RAP2C: variants seen among roughly 807,000 people sequenced by gnomAD.
RAP2C encodes ras-related protein Rap-2c.
Under a neutral mutation model 8.9 loss-of-function variants are expected in RAP2C, and 3 were observed. That is an observed-to-expected ratio of 0.34 (90% CI 0.15 to 0.87). RAP2C has a LOEUF of 0.87. RAP2C is among the 40% of genes least tolerant of loss of function. The pLI is 0.51. For synonymous variants in RAP2C, 60 were observed against 52.1 expected, an observed-to-expected ratio of 1.15 and a Z score of -0.65; for missense variants, 76 against 133.7, an observed-to-expected ratio of 0.57 and a Z score of 2.13.
intron 4 of RAP2C, among the ~76,000 whole-genome samples, chrX:132,215,960 T>C (rs934069267): frequency 1.1e-4 from 12 of 112,005 alleles, no homozygotes; most frequent in South Asian, 3.7e-4. Context: ...TAATTTAAAA[T>C]ACTAAAGAAA....
rs1474663679 is a variant in RAP2C, at chrX:132,217,790, C to A, written c.-522G>T. ...GGGCGGGTTTCTGGGCCCCGGCTCC[C>A]GCGGGGGTCGTCCGGCCTGTGAAGG... On this transcript the variant is annotated 5_prime_UTR_variant, in exon 4 of 6. Transcript: ENST00000370874. The A allele has an allele frequency of 1.8e-5, 2 of 113,278 alleles. No individual in the cohort carries two copies. The highest frequency in any genetic ancestry group is 6.4e-5 in the African/African-American group (2 of 31,166). The allele number at this position is 113,278 out of a possible 1,213,427, so 9.3% of individuals were successfully genotyped here.
chrX:132,217,684 A>C lies in RAP2C; in HGVS notation c.-416T>G. On this transcript the variant is annotated 5_prime_UTR_variant, in exon 4 of 6. Coordinates refer to ENST00000370874, the MANE Select transcript of RAP2C (RefSeq NM_001271186.2). ...GCACTCCTCCCCCGCCCTTCACACA[A>C]AGGGGCCCAGGGACCCCGCTTCCTG... 1.7e-5 allele frequency: 2 copies of C among 119,674 alleles called. No homozygotes were observed. Among genetic ancestry groups the C allele is most frequent in the Admixed American group, 9.0e-5 (1 of 11,117 alleles). 9.9% of individuals were successfully genotyped at this position (119,674 alleles called of 1,213,427 possible).
At position 132,203,737 on chromosome X, in the gene RAP2C, T is replaced by TA. The variant is rs1238343543; in HGVS notation, c.*1884dup. The TA allele has an allele frequency of 8.9e-6, 1 of 112,283 alleles. No individual in the cohort carries two copies. Among genetic ancestry groups the TA allele is most frequent in the Non-Finnish European group, 1.9e-5 (1 of 53,149 alleles). 9.3% of individuals were successfully genotyped at this position (112,283 alleles called of 1,213,427 possible). The stretch of plus-strand genomic sequence containing the variant: ...AATGAGTGTTTGGTTTTAAGTTTGG[T>TA]ATTAAAGTGCAAACTTAAATTAAGT... On this transcript the variant is annotated 3_prime_UTR_variant, in exon 6 of 6. Coordinates refer to ENST00000370874, the MANE Select transcript of RAP2C (RefSeq NM_001271186.2).
At chrX:132,211,231 G>C (rs779956337) in intron 5 of RAP2C, among the ~76,000 whole-genome samples, 27 of 111,206 alleles carry the variant, frequency 2.4e-4, no homozygotes, top group Non-Finnish European at 4.5e-4. Flanking sequence ...TGTTCCAGTT[G>C]GTTGTGGTCT....
Position 132,205,450 on chromosome X carries a change from A to C in RAP2C, c.*172T>G, listed in dbSNP as rs1930247119. 8.9e-6 allele frequency: 1 copy of C among 111,983 alleles called. No individual in the cohort carries two copies. The highest frequency in any genetic ancestry group is 3.7e-4 in the South Asian group (1 of 2,703). 9.2% of individuals were successfully genotyped at this position (111,983 alleles called of 1,213,427 possible). A position where few individuals can be genotyped will look rare whatever the true frequency, so the allele number is the denominator to read the frequency against. ...CCTGTTTAAGGTCGATGGATCTTGA[A>C]GGCCAAAGACCTTATGCACTTAAAT... On this transcript the variant is annotated 3_prime_UTR_variant, in exon 6 of 6. Transcript: ENST00000370874.
In RAP2C at chrX:132,214,359, C is replaced by T; in HGVS notation, c.361G>A (p.Glu121Lys). 1.7e-6 allele frequency: 2 copies of T among 1,211,771 alleles called. No homozygotes were observed. Among genetic ancestry groups the T allele is most frequent in the Non-Finnish European group, 2.2e-6 (2 of 895,292 alleles). ...GAAGACATAACCTCTCTTTCTGGTT[C>T]CAGATCCACTTTATTTCCTACTAGG... ...LILVGNKVDL[E>K]PEREVMSSEG... is the part of the protein sequence containing the mutation. The change falls in exon 5 of 6, where the codon GAA becomes AAA. Residue 121 changes from glutamate (E) to lysine (K), a missense_variant. Transcript: ENST00000370874.
intron 4 of RAP2C, 103 bp downstream of exon 4, chrX:132,216,893 C>T: frequency 2.4e-6 from 2 of 849,487 alleles, no homozygotes; most frequent in Non-Finnish European, 3.1e-6. Context: ...GTCTAACTTT[C>T]AAAAGCAAAG....
intron 5 of RAP2C, among the ~76,000 whole-genome samples, chrX:132,207,099 G>A (rs1406111282): frequency 1.8e-5 from 2 of 111,029 alleles, no homozygotes; most frequent in Non-Finnish European, 3.8e-5. Context: ...GAACACAACA[G>A]TATTTCATTA....
chrX:132,216,732 C>A (rs1367020903), intron 4 of RAP2C, among the ~76,000 whole-genome samples: 1 of 112,145 alleles, frequency 8.9e-6, no homozygotes, highest in Non-Finnish European at 1.9e-5. Flanking sequence ...ATATTCCAGG[C>A]GAAATATACA....
intron 5 of RAP2C, among the ~76,000 whole-genome samples, chrX:132,210,586 T>C (rs919425487): frequency 2.7e-5 from 3 of 111,705 alleles, no homozygotes; most frequent in African/African-American, 6.5e-5. Context: ...GTCCTTTCAG[T>C]TTGCTTCCCT....
intron 5 of RAP2C, among the ~76,000 whole-genome samples, chrX:132,208,296 T>C (rs1320211799): frequency 2.7e-5 from 3 of 111,615 alleles, no homozygotes; most frequent in Non-Finnish European, 5.7e-5. Flanking sequence ...CTTATCTAAA[T>C]ACAATGGTAT....
chrX:132,210,583 C>G lies in RAP2C; in HGVS notation c.*34+3551G>C, dbSNP rs1930401329. ...ACATAAATAATGATCTTTGTCCTTT[C>G]AGTTTGCTTCCCTGTGTTTGGTACT... is the stretch of plus-strand genomic sequence containing the variant. On this transcript the variant is annotated intron_variant, in intron 5 of 5. Coordinates refer to ENST00000370874, the MANE Select transcript of RAP2C (RefSeq NM_001271186.2). Among the ~76,000 whole-genome samples, 3 of 111,661 alleles carry G rather than the reference C, an allele frequency of 2.7e-5. No homozygotes were observed. In the Admixed American group the frequency reaches 2.8e-4, roughly 11 times the overall value.
At position 132,218,349 on chromosome X, in the gene RAP2C, G is replaced by C. The variant is rs990794544; in HGVS notation, c.-745-8C>G. On this transcript the variant is annotated splice_polypyrimidine_tract_variant and splice_region_variant and intron_variant, in intron 1 of 5. Transcript: ENST00000370874. ...GAACGGGCCTCTGGAAACCTGCGACGTCAGTCCTTACCCGCCCGCGGCTGC... is the reference window on the plus strand; with the variant it reads ...GAACGGGCCTCTGGAAACCTGCGACCTCAGTCCTTACCCGCCCGCGGCTGC... 1.9e-5 allele frequency: 2 copies of C among 107,931 alleles called. No individual in the cohort carries two copies. The highest frequency in any genetic ancestry group is 3.9e-5 in the Non-Finnish European group (2 of 51,940). 8.9% of individuals were successfully genotyped at this position (107,931 alleles called of 1,213,427 possible).
chrX:132,208,004 C>CA (rs58571332), intron 5 of RAP2C, among the ~76,000 whole-genome samples: 72 of 103,031 alleles, frequency 7.0e-4, no homozygotes, highest in Non-Finnish European at 1.1e-3. Flanking sequence ...TAGGAAAGTA[C>CA]AAAAAAAAAA....
At chrX:132,208,791 G>C (rs1291709517) in intron 5 of RAP2C, among the ~76,000 whole-genome samples, 1 of 110,294 alleles carries the variant, frequency 9.1e-6, no homozygotes, top group Non-Finnish European at 1.9e-5. Context: ...CTCTTGAACC[G>C]CTAGTACTAC....
chrX:132,209,839 TAACTAGGCACCTGTCCACTCTCA>T (rs1930379210), intron 5 of RAP2C, among the ~76,000 whole-genome samples: 1 of 112,029 alleles, frequency 8.9e-6, no homozygotes, highest in South Asian at 3.7e-4. Flanking sequence ...AGAGCAGGTC[TAACTAGGCACCTGTCCACTCTCA>T]AGTCTCAAAC....
At chrX:132,219,133 C>G (rs1234893322) in intron 1 of RAP2C, among the ~76,000 whole-genome samples, 2 of 111,946 alleles carry the variant, frequency 1.8e-5, no homozygotes, top group Non-Finnish European at 3.8e-5. Context: ...GGAGTCTAGG[C>G]TGTATTTTAG....
In RAP2C at chrX:132,214,161, A is replaced by G. The variant is rs41304510; in HGVS notation, c.*7T>C. On this transcript the variant is annotated 3_prime_UTR_variant, in exon 5 of 6. Coordinates refer to ENST00000370874, the MANE Select transcript of RAP2C (RefSeq NM_001271186.2). ...GCTCGGTATGGCCATGATTGAGGTT[A>G]TCTTCTTTACTGGACGACACAAGTT... 12,553 of 1,201,611 alleles carry G rather than the reference A, an allele frequency of 0.01. 45 individuals are homozygous for G. The highest frequency in any genetic ancestry group is 0.021 in the Middle Eastern group (89 of 4,310).
intron 4 of RAP2C, among the ~76,000 whole-genome samples, chrX:132,215,036 T>TA (rs1194512956): frequency 9.0e-6 from 1 of 111,364 alleles, no homozygotes; most frequent in Non-Finnish European, 1.9e-5. Flanking sequence ...ACAATACACT[T>TA]AAATTCACTA....
Sources: gnomAD v4.1 joint callset for allele counts (sites outside exome capture counted in the v4.1 genomes callset) on GRCh38, gnomAD v4.1.1 for gene constraint, MANE v1.5 for transcripts, NCBI Gene and HGNC (gene_info 2026-07-23, HGNC 2026-07-21) for gene names.